The following KDM4B variants were observed in gnomAD, a reference collection of about 807,000 sequenced individuals.
KDM4B encodes the protein lysine-specific demethylase 4B.
Under a neutral mutation model 125.2 loss-of-function variants are expected in KDM4B, and 32 were observed. The ratio of observed to expected loss-of-function variants is 0.26; its 90% CI spans 0.19 to 0.34. The LOEUF (loss-of-function observed/expected upper bound fraction) is 0.34. Among genes scored for constraint, KDM4B ranks in the 10% least tolerant of loss-of-function variants. The probability of loss-of-function intolerance (pLI) is 1.00; values close to 1 mark genes in which losing one functional copy is unlikely to be tolerated. For synonymous variants in KDM4B, 721 were observed against 677.9 expected, an observed-to-expected ratio of 1.06 and a Z score of -0.99; for missense variants, 1,190 against 1,577.7, an observed-to-expected ratio of 0.75 and a Z score of 4.16.
chr19:5,050,088 C>T (rs2037171855), intron 6 of KDM4B, among the ~76,000 whole-genome samples: 1 of 152,262 alleles, frequency 6.6e-6, no homozygotes, highest in South Asian at 2.1e-4. Flanking sequence ...TCCCTCATTA[C>T]ACTGTTCCGC....
intron 1 of KDM4B, among the ~76,000 whole-genome samples, chr19:5,009,736 T>TC (rs1205376476): frequency 6.6e-6 from 1 of 151,998 alleles, no homozygotes; most frequent in Non-Finnish European, 1.5e-5. Flanking sequence ...CAACTATAGA[T>TC]TCTTTTTTTT....
chr19:5,104,698 C>T (rs984581770), intron 9 of KDM4B, among the ~76,000 whole-genome samples: 4 of 151,996 alleles, frequency 2.6e-5, no homozygotes, highest in Non-Finnish European at 4.4e-5. Flanking sequence ...TTAGGTGGAG[C>T]GTATTGGAAC....
intron 9 of KDM4B, among the ~76,000 whole-genome samples, chr19:5,104,769 A>G (rs2145965380): frequency 6.6e-6 from 1 of 151,772 alleles, no homozygotes; most frequent in East Asian, 1.9e-4. Flanking sequence ...AGAAGACCTC[A>G]CTCCTCAGGC....
At chr19:5,021,136 T>C (rs1015955562) in intron 2 of KDM4B, among the ~76,000 whole-genome samples, 1 of 103,330 alleles carries the variant, frequency 9.7e-6, no homozygotes, top group Admixed American at 8.8e-5. Flanking sequence ...AGAGTGAAAC[T>C]GTCTCAAAAA....
Position 5,110,750 on chromosome 19 carries a change from G to A in KDM4B, c.1047G>A (p.Ala349=), listed in dbSNP as rs372638266. The A allele has an allele frequency of 7.9e-5, 127 of 1,610,748 alleles. No individual in the cohort carries two copies. The highest frequency in any genetic ancestry group is 9.7e-5 in the Non-Finnish European group (114 of 1,178,990). ...TGCTGGACCACACGCGGCCCACGGCGCTCACCAGCCCCGAGCTGAGCTCCT... is the reference window on the plus strand; with the variant it reads ...TGCTGGACCACACGCGGCCCACGGCACTCACCAGCCCCGAGCTGAGCTCCT... ...LTVLDHTRPT[A]LTSPELSSWS... Residue 349 remains alanine (A), a synonymous_variant, in exon 10 of 23, where the codon GCG becomes GCA. Coordinates refer to ENST00000159111, the MANE Select transcript of KDM4B (RefSeq NM_015015.3).
chr19:4,987,172 T>C (rs2034865961), intron 1 of KDM4B, among the ~76,000 whole-genome samples: 1 of 152,128 alleles, frequency 6.6e-6, no homozygotes, highest in Admixed American at 6.5e-5. Context: ...TTGCCCAGTC[T>C]GGTCTCAAAC....
intron 18 of KDM4B, chr19:5,140,914 G>GTCCTGCCTGCTTT (rs1052338329): frequency 2.0e-5 from 3 of 152,254 alleles, no homozygotes; most frequent in African/African-American, 7.2e-5. Context: ...ACCCAGCAGC[G>GTCCTGCCTGCTTT]TCCTGCCTGC....
At chr19:5,143,901 G>C (rs983618647) in intron 18 of KDM4B, 66 bp from the exon 19 acceptor site, 2 of 1,303,108 alleles carry the variant, frequency 1.5e-6, no homozygotes, top group Non-Finnish European at 2.1e-6. Context: ...GAGGGGCCGG[G>C]GACTCCGTTC....
rs184999765 is a variant in KDM4B, at chr19:5,101,455, C to T, written c.919-9167C>T. Reference sequence around the variant, plus strand: ...GGAGGATTGCTTGAGCCCAGGACTTCGGGGTCGGCAGTGAGCTGCTGTGAT... The same window carrying T: ...GGAGGATTGCTTGAGCCCAGGACTTTGGGGTCGGCAGTGAGCTGCTGTGAT... On this transcript the variant is annotated intron_variant, in intron 9 of 22. Coordinates refer to ENST00000159111, the MANE Select transcript of KDM4B (RefSeq NM_015015.3). Among the ~76,000 whole-genome samples, 39 of 151,078 alleles carry T rather than the reference C, an allele frequency of 2.6e-4. No homozygotes were observed. In the East Asian group the frequency reaches 3.9e-3, roughly 15 times the overall value.
chr19:5,125,166 G>A (rs1302940592), intron 11 of KDM4B, among the ~76,000 whole-genome samples: 1 of 152,234 alleles, frequency 6.6e-6, no homozygotes, highest in African/African-American at 2.4e-5. Flanking sequence ...GGGATTACAG[G>A]TATGAGCCAC....
intron 3 of KDM4B, among the ~76,000 whole-genome samples, chr19:5,033,570 A>G (rs191377805): frequency 6.6e-6 from 1 of 152,030 alleles, no homozygotes; most frequent in African/African-American, 2.4e-5. Context: ...GCAGAGCAAG[A>G]CCCTGTCTCA....
intron 8 of KDM4B, chr19:5,077,717 C>T: frequency 2.1e-6 from 1 of 482,452 alleles, no homozygotes; most frequent in Non-Finnish European, 3.7e-6. Flanking sequence ...ACCAAAACTT[C>T]CTCCTGGGTG....
rs775498947 is a variant in KDM4B at position 5,144,056 on chromosome 19, G to A, written c.2640G>A (p.Val880=). The stretch of plus-strand genomic sequence containing the variant: ...AGCACTGCTCCACGTCCTTCCACGT[G>A]ACCTGCGCCCACGCCGCAGGCGTGC... ...SYEHCSTSFH[V]TCAHAAGVLM... The change falls in exon 19 of 23, where the codon GTG becomes GTA. Residue 880 remains valine (V), a synonymous_variant. Transcript: ENST00000159111. The A allele has an allele frequency of 1.2e-6, 2 of 1,606,892 alleles. No individual in the cohort carries two copies. The highest frequency in any genetic ancestry group is 2.2e-5 in the South Asian group (2 of 90,994).
chr19:5,117,844 C>T (rs942986362), intron 10 of KDM4B, among the ~76,000 whole-genome samples: 2 of 152,298 alleles, frequency 1.3e-5, no homozygotes, highest in African/African-American at 2.4e-5. Context: ...CTGGTCCACC[C>T]GCTTTCTGCC....
chr19:5,064,170 C>T (rs575810108), intron 6 of KDM4B, among the ~76,000 whole-genome samples: 9 of 152,314 alleles, frequency 5.9e-5, no homozygotes, highest in South Asian at 2.1e-4. Context: ...GCGCCACTGG[C>T]GTTTGGATCT....
chr19:5,141,546 G>A lies in KDM4B; in HGVS notation c.2551-2421G>A, dbSNP rs1006109557. 2.0e-5 allele frequency: 3 copies of A among 152,202 alleles called. No individual in the cohort carries two copies. Among genetic ancestry groups the A allele is most frequent in the Admixed American group, 6.5e-5 (1 of 15,286 alleles). The allele number at this position is 152,202 out of a possible 1,614,324, so 9.4% of individuals were successfully genotyped here. A position where few individuals can be genotyped will look rare whatever the true frequency, so the allele number is the denominator to read the frequency against. ...TAATGGGGCTTTGCAAGGAGGCGGC[G>A]GTTAATTCCTGCTCGCCCAACCGCC... On this transcript the variant is annotated intron_variant, in intron 18 of 22. Transcript: ENST00000159111. The surrounding 1 kb of genome is among the most constrained non-coding windows in gnomAD (Gnocchi z 6.4).
At chr19:5,137,851 C>T in intron 17 of KDM4B, 111 bp from the exon 18 acceptor site, 1 of 1,097,544 alleles carries the variant, frequency 9.1e-7, no homozygotes, top group African/African-American at 1.5e-5. Context: ...ACCGACCTTC[C>T]TGAAGTTCCC....
chr19:5,091,085 C>T (rs754322664), intron 9 of KDM4B, among the ~76,000 whole-genome samples: 1 of 152,240 alleles, frequency 6.6e-6, no homozygotes, highest in Non-Finnish European at 1.5e-5. Flanking sequence ...CACGCAGCCG[C>T]CTTTCTCACG....
chr19:4,977,536 G>A (rs536891457), intron 1 of KDM4B, among the ~76,000 whole-genome samples: 1 of 152,342 alleles, frequency 6.6e-6, no homozygotes, highest in South Asian at 2.1e-4. Flanking sequence ...CCGAGCCGCC[G>A]GCAGTGGCGG....
Sources: gnomAD v4.1 joint callset for allele counts (sites outside exome capture counted in the v4.1 genomes callset) on GRCh38, gnomAD v4.1.1 for gene constraint, Gnocchi (gnomAD v3.1) non-coding constraint, MANE v1.5 for transcripts, NCBI Gene and HGNC (gene_info 2026-07-23, HGNC 2026-07-21) for gene names.